The following LSAMP variants were observed in gnomAD, a reference collection of about 807,000 sequenced individuals.
The protein encoded by LSAMP is limbic system-associated membrane protein.
A neutral mutation model predicts 38.6 loss-of-function variants in LSAMP; 7 were observed. The observed-to-expected ratio is 0.18, with a 90% CI of 0.10 to 0.34. The LOEUF (loss-of-function observed/expected upper bound fraction) is 0.34, where lower values mean the gene tolerates loss of function less well. Among genes scored for constraint, LSAMP ranks in the 10% least tolerant of loss-of-function variants. LSAMP has a pLI of 1.00. For missense variants in LSAMP, 313 were observed against 420.0 expected, an observed-to-expected ratio of 0.75 and a Z score of 2.23; for synonymous variants, 154 against 166.8, an observed-to-expected ratio of 0.92 and a Z score of 0.59.
chr3:115,990,146 C>A (rs1939626250), intron 3 of LSAMP, among the ~76,000 whole-genome samples: 1 of 151,988 alleles, frequency 6.6e-6, no homozygotes, highest in Admixed American at 6.6e-5. Context: ...AAAAGCATTC[C>A]TTCTTTGATT....
chr3:116,343,211 T>C (rs2048020512), intron 1 of LSAMP, among the ~76,000 whole-genome samples: 1 of 152,058 alleles, frequency 6.6e-6, no homozygotes, highest in South Asian at 2.1e-4. Flanking sequence ...AGACAGGTTA[T>C]CTTGCTCAGG....
intron 1 of LSAMP, among the ~76,000 whole-genome samples, chr3:116,205,032 G>A (rs921215098): frequency 1.4e-4 from 20 of 143,470 alleles, no homozygotes; most frequent in African/African-American, 5.1e-4. Flanking sequence ...TCCTACCCAT[G>A]AGCATGGAAT....
At chr3:116,281,529 T>C (rs2047126366) in intron 1 of LSAMP, among the ~76,000 whole-genome samples, 2 of 152,080 alleles carry the variant, frequency 1.3e-5, no homozygotes, top group Admixed American at 1.3e-4. Context: ...CCACCAACTG[T>C]GAAAATAAAC....
chr3:116,315,134 C>A (rs555013161), intron 1 of LSAMP, among the ~76,000 whole-genome samples: 7 of 152,268 alleles, frequency 4.6e-5, no homozygotes, highest in African/African-American at 1.7e-4. Context: ...TTGTAGCCTC[C>A]AGGCTTTTGC....
At chr3:115,902,233 A>T (rs568642148) in intron 3 of LSAMP, among the ~76,000 whole-genome samples, 5 of 152,204 alleles carry the variant, frequency 3.3e-5, no homozygotes, top group African/African-American at 1.2e-4. Flanking sequence ...ATCATATATT[A>T]CTATTATTCT....
At chr3:116,243,379 G>C (rs907198737) in intron 1 of LSAMP, among the ~76,000 whole-genome samples, 3 of 152,124 alleles carry the variant, frequency 2.0e-5, no homozygotes, top group Non-Finnish European at 4.4e-5. Flanking sequence ...AGAGGAGCAG[G>C]GCAGTATGAA....
intron 3 of LSAMP, among the ~76,000 whole-genome samples, chr3:115,967,791 C>T (rs889398364): frequency 6.6e-6 from 1 of 151,942 alleles, no homozygotes; most frequent in African/African-American, 2.4e-5. Flanking sequence ...ATGAGACTCA[C>T]TCACTATCAC....
chr3:116,083,579 C>T (rs1707918028), intron 2 of LSAMP, among the ~76,000 whole-genome samples: 1 of 152,074 alleles, frequency 6.6e-6, no homozygotes, highest in Non-Finnish European at 1.5e-5. Context: ...TCAGGTTGGC[C>T]TCACCATTGT....
chr3:116,207,596 C>A (rs2046088669), intron 1 of LSAMP, among the ~76,000 whole-genome samples: 1 of 151,548 alleles, frequency 6.6e-6, no homozygotes, highest in African/African-American at 2.4e-5. Context: ...TTAGGGCAGG[C>A]CTGGTGGTGA....
chr3:115,912,406 C>T (rs897435444), intron 3 of LSAMP, among the ~76,000 whole-genome samples: 1 of 152,190 alleles, frequency 6.6e-6, no homozygotes. Context: ...ACCAACCCCA[C>T]TGGGAGGAGG....
intron 1 of LSAMP, among the ~76,000 whole-genome samples, chr3:116,136,770 GAGTAT>G (rs1224722015): frequency 1.3e-5 from 2 of 152,050 alleles, no homozygotes; most frequent in African/African-American, 2.4e-5. Context: ...AGGAAGATCA[GAGTAT>G]AATATATGAA....
intron 3 of LSAMP, among the ~76,000 whole-genome samples, chr3:115,986,938 T>G (rs1939526836): frequency 6.6e-6 from 1 of 152,286 alleles, no homozygotes; most frequent in South Asian, 2.1e-4. Flanking sequence ...ACAGATAGCT[T>G]ATCCTTTTAT....
chr3:115,980,230 C>G (rs1310946372), intron 3 of LSAMP, among the ~76,000 whole-genome samples: 1 of 152,054 alleles, frequency 6.6e-6, no homozygotes, highest in Non-Finnish European at 1.5e-5. Context: ...AACAAATGAT[C>G]AGTTAATTTA....
At chr3:116,210,550 G>A (rs953355921) in intron 1 of LSAMP, among the ~76,000 whole-genome samples, 128 of 152,262 alleles carry the variant, frequency 8.4e-4, no homozygotes, top group African/African-American at 2.8e-3. Context: ...AGGCTGCATC[G>A]TCGGCTTCCC....
In LSAMP at chr3:115,809,993, T is replaced by C. The variant is rs1475985546; in HGVS notation, c.*324A>G. ...GCTTAATATCCATCTGGTTCTTCTC[T>C]TATTTTTACAGCATCCAGATGTCCT... On this transcript the variant is annotated 3_prime_UTR_variant, in exon 7 of 7. Coordinates refer to ENST00000490035, the MANE Select transcript of LSAMP (RefSeq NM_002338.5). 9.7e-6 allele frequency: 2 copies of C among 205,520 alleles called. No homozygotes were observed. 12.7% of individuals were successfully genotyped at this position (205,520 alleles called of 1,614,324 possible). A position where few individuals can be genotyped will look rare whatever the true frequency, so the allele number is the denominator to read the frequency against.
intron 3 of LSAMP, among the ~76,000 whole-genome samples, chr3:116,010,315 T>C (rs1940288845): frequency 6.6e-6 from 1 of 152,208 alleles, no homozygotes; most frequent in Non-Finnish European, 1.5e-5. Context: ...ACTCTGTTCT[T>C]TAAGTGTAAG....
chr3:116,236,656 C>T (rs2046468593), intron 1 of LSAMP, among the ~76,000 whole-genome samples: 1 of 151,990 alleles, frequency 6.6e-6, no homozygotes, highest in Admixed American at 6.6e-5. Context: ...TACAATTGAG[C>T]CAATTATTGT....
chr3:116,206,407 G>A (rs1490104250), intron 1 of LSAMP, among the ~76,000 whole-genome samples: 1 of 150,348 alleles, frequency 6.7e-6, no homozygotes, highest in Non-Finnish European at 1.5e-5. Context: ...ATTTCCTTCA[G>A]TTCTGCTCTG....
intron 3 of LSAMP, among the ~76,000 whole-genome samples, chr3:115,890,876 C>A (rs1293313884): frequency 1.3e-5 from 2 of 151,802 alleles, no homozygotes; most frequent in Admixed American, 1.3e-4. Context: ...GGATCCTCAG[C>A]CCTTAGAGGA....
Sources: allele counts gnomAD v4.1 joint callset (sites outside exome capture counted in the v4.1 genomes callset), GRCh38; gene constraint gnomAD v4.1.1; transcripts MANE v1.5; gene names NCBI Gene and HGNC (gene_info 2026-07-23, HGNC 2026-07-21).